The following SLC35F1 variants were observed in gnomAD, a reference collection of about 807,000 sequenced individuals.
SLC35F1 encodes chromosome 6 open reading frame 169.
In SLC35F1, 14 loss-of-function variants were observed where a neutral mutation model predicts 48.7. The ratio of observed to expected loss-of-function variants is 0.29; its 90% confidence interval spans 0.19 to 0.45. SLC35F1 has a LOEUF of 0.45. SLC35F1 is among the 20% of genes least tolerant of loss of function. The probability of loss-of-function intolerance (pLI) is 1.00; values close to 1 mark genes in which losing one functional copy is unlikely to be tolerated. For synonymous variants in SLC35F1, 190 were observed against 202.2 expected (o/e 0.94, Z 0.51); for missense variants, 404 against 500.0 (o/e 0.81, Z 1.83).
chr6:117,994,270 C>T (rs1197593435), intron 1 of SLC35F1, among the ~76,000 whole-genome samples: 1 of 152,068 alleles, frequency 6.6e-6, no homozygotes, highest in Admixed American at 6.6e-5. Context: ...TTTAACTTTC[C>T]TTTCTGCTGC....
intron 1 of SLC35F1, among the ~76,000 whole-genome samples, chr6:118,015,448 C>G (rs1474783973): frequency 1.3e-5 from 2 of 151,446 alleles, no homozygotes; most frequent in East Asian, 1.9e-4. Flanking sequence ...TTCCTTGTAC[C>G]CTTTATCCTC....
intron 4 of SLC35F1, among the ~76,000 whole-genome samples, chr6:118,275,087 A>G (rs1206018529): frequency 6.6e-6 from 1 of 152,142 alleles, no homozygotes; most frequent in Non-Finnish European, 1.5e-5. Flanking sequence ...GAGGCAGGAG[A>G]ATCCCTTAGA....
intron 1 of SLC35F1, among the ~76,000 whole-genome samples, chr6:118,092,066 A>C (rs1445114121): frequency 1.3e-5 from 2 of 152,354 alleles, no homozygotes; most frequent in Non-Finnish European, 1.5e-5. Context: ...TGCAGTAGAA[A>C]AGAAAAAACC....
At chr6:118,095,571 G>A (rs565002481) in intron 1 of SLC35F1, among the ~76,000 whole-genome samples, 4 of 152,166 alleles carry the variant, frequency 2.6e-5, no homozygotes, top group East Asian at 1.9e-4. Flanking sequence ...CTATAGGCCC[G>A]TGTACTGAAG....
intron 1 of SLC35F1, among the ~76,000 whole-genome samples, chr6:118,011,008 T>C (rs1450611533): frequency 1.3e-5 from 2 of 152,160 alleles, no homozygotes; most frequent in African/African-American, 4.8e-5. Context: ...GGCAGATGGA[T>C]TGATATTGAC....
chr6:117,923,651 G>GTACATATGTACATATA (rs1775945358), intron 1 of SLC35F1, among the ~76,000 whole-genome samples: 13 of 17,498 alleles, frequency 7.4e-4, no homozygotes, highest in Non-Finnish European at 1.0e-3. Context: ...ATGTACATAT[G>GTACATATGTACATATA]TACATATGTA....
Position 118,018,108 on chromosome 6 carries a change from C to T in SLC35F1, c.173+110209C>T, listed in dbSNP as rs908372009. On this transcript the variant is annotated intron_variant, in intron 1 of 7. Transcript: ENST00000360388. Reference sequence around the variant, plus strand: ...GCATAATAGGCCGGGCACGGTGGCTCATGCCTGTAATCCCAGCACTTTGGG... The same window carrying T: ...GCATAATAGGCCGGGCACGGTGGCTTATGCCTGTAATCCCAGCACTTTGGG... Among the ~76,000 whole-genome samples, 10 of 152,278 alleles carry T rather than the reference C, an allele frequency of 6.6e-5. 1 individual carries two copies. The East Asian group carries it at 7.7e-4, about 12-fold the overall frequency.
intron 1 of SLC35F1, among the ~76,000 whole-genome samples, chr6:117,977,923 G>A (rs563303892): frequency 6.6e-6 from 1 of 152,202 alleles, no homozygotes; most frequent in East Asian, 1.9e-4. Flanking sequence ...GAAGAAACAA[G>A]CAGTTGGAAT....
At chr6:118,192,146 A>G (rs887935330) in intron 2 of SLC35F1, among the ~76,000 whole-genome samples, 2 of 152,298 alleles carry the variant, frequency 1.3e-5, no homozygotes, top group East Asian at 3.9e-4. Context: ...CTGATGAGTT[A>G]CCATAGGTAA....
At chr6:118,176,969 G>T (rs888159874) in intron 2 of SLC35F1, among the ~76,000 whole-genome samples, 3 of 151,834 alleles carry the variant, frequency 2.0e-5, no homozygotes, top group African/African-American at 7.3e-5. Flanking sequence ...CATCCTTATT[G>T]CAGGAAAGCA....
chr6:118,131,206 T>C (rs1256482971), intron 1 of SLC35F1, among the ~76,000 whole-genome samples: 3 of 152,056 alleles, frequency 2.0e-5, no homozygotes, highest in Non-Finnish European at 2.9e-5. Flanking sequence ...TAAGAATTTT[T>C]TTATTGATTC....
chr6:118,207,437 T>C (rs918679355), intron 2 of SLC35F1, among the ~76,000 whole-genome samples: 2 of 152,174 alleles, frequency 1.3e-5, no homozygotes, highest in Non-Finnish European at 2.9e-5. Flanking sequence ...CTTAGAATCA[T>C]TTTCTGGAGT....
chr6:118,211,073 C>A (rs1774995567), intron 2 of SLC35F1, among the ~76,000 whole-genome samples: 1 of 152,154 alleles, frequency 6.6e-6, no homozygotes, highest in South Asian at 2.1e-4. Flanking sequence ...ATCTGGAAGA[C>A]ACAGGGACAG....
chr6:118,014,930 A>T (rs1177666276), intron 1 of SLC35F1, among the ~76,000 whole-genome samples: 1 of 152,114 alleles, frequency 6.6e-6, no homozygotes, highest in African/African-American at 2.4e-5. Flanking sequence ...CCCAAATCTC[A>T]TCTTGAATTG....
At chr6:118,307,169 T>A (rs1776321154) in intron 7 of SLC35F1, among the ~76,000 whole-genome samples, 1 of 152,234 alleles carries the variant, frequency 6.6e-6, no homozygotes, top group African/African-American at 2.4e-5. Flanking sequence ...GGTTTTCTGA[T>A]ACGAATACAG....
At position 118,088,016 on chromosome 6, in the gene SLC35F1, AT is replaced by A. The variant is rs199625584; in HGVS notation, c.174-66425del. ...TCAAAGCAATAAACACTTAAATTGCATTTTATAGTTACACATATTCTTAGAA... is the reference window on the plus strand; with the variant it reads ...TCAAAGCAATAAACACTTAAATTGCATTTATAGTTACACATATTCTTAGAA... On this transcript the variant is annotated intron_variant, in intron 1 of 7. Coordinates refer to ENST00000360388, the MANE Select transcript of SLC35F1 (RefSeq NM_001029858.4). Among the ~76,000 whole-genome samples, 821 of 152,342 alleles carry A rather than the reference AT, an allele frequency of 5.4e-3. 9 individuals carry two copies. The highest frequency in any genetic ancestry group is 0.018 in the African/African-American group (753 of 41,592).
chr6:118,240,123 G>A (rs1356231705), intron 3 of SLC35F1, among the ~76,000 whole-genome samples: 4 of 152,318 alleles, frequency 2.6e-5, no homozygotes, highest in Non-Finnish European at 5.9e-5. Flanking sequence ...AATAGTTACT[G>A]CAGGTGATAT....
chr6:118,168,173 A>G (rs1774347233), intron 2 of SLC35F1, among the ~76,000 whole-genome samples: 1 of 152,090 alleles, frequency 6.6e-6, no homozygotes. Flanking sequence ...TCTCTTGGAG[A>G]ATACTGCACA....
At chr6:118,160,913 T>G (rs1428768594) in intron 2 of SLC35F1, among the ~76,000 whole-genome samples, 1 of 151,084 alleles carries the variant, frequency 6.6e-6, no homozygotes, top group Non-Finnish European at 1.5e-5. Flanking sequence ...TTTTTTTTTT[T>G]GAGGAGGTTG....
Sources: gnomAD v4.1 joint callset for allele counts (sites outside exome capture counted in the v4.1 genomes callset) on GRCh38, gnomAD v4.1.1 for gene constraint, MANE v1.5 for transcripts, NCBI Gene and HGNC (gene_info 2026-07-23, HGNC 2026-07-21) for gene names.